SYT16: variants seen among roughly 807,000 people sequenced by gnomAD.
The protein encoded by SYT16 is synaptotagmin-16.
SYT16 carries 42 observed loss-of-function variants against 61.4 expected under a neutral mutation model. That is an observed-to-expected ratio of 0.68 (90% CI 0.53 to 0.89). The LOEUF (loss-of-function observed/expected upper bound fraction) is 0.89. Ranked by LOEUF, SYT16 falls within the 40% of genes least tolerant of loss-of-function variation. SYT16 has a pLI of 0.00. For missense variants in SYT16, 804 were observed against 807.3 expected (o/e 1.00, Z 0.05); for synonymous variants, 314 against 302.3 (o/e 1.04, Z -0.40).
chr14:62,015,935 A>G (rs2053655436), intron 3 of SYT16, among the ~76,000 whole-genome samples: 1 of 152,164 alleles, frequency 6.6e-6, no homozygotes. Context: ...TTAGTCCTTA[A>G]TTGTTTCTTT....
intron 1 of SYT16, among the ~76,000 whole-genome samples, chr14:61,949,937 C>G (rs1555361322): frequency 6.6e-6 from 1 of 152,158 alleles, no homozygotes; most frequent in Non-Finnish European, 1.5e-5. Context: ...CTGCAAAGCA[C>G]AAGAATAAAA....
At chr14:61,938,021 C>G (rs796832660) in intron 1 of SYT16, among the ~76,000 whole-genome samples, 1 of 10,832 alleles carries the variant, frequency 9.2e-5, no homozygotes, top group South Asian at 7.0e-3. Flanking sequence ...AACCTCCTAC[C>G]CCGCAACACA....
intron 3 of SYT16, among the ~76,000 whole-genome samples, chr14:62,060,837 TAA>T: frequency 6.6e-6 from 1 of 152,058 alleles, no homozygotes; most frequent in East Asian, 1.9e-4. Flanking sequence ...GCTGGCCTCA[TAA>T]AATGGGTTGA....
intron 1 of SYT16, among the ~76,000 whole-genome samples, chr14:61,911,420 T>A (rs1041234512): frequency 6.6e-6 from 1 of 152,226 alleles, no homozygotes; most frequent in African/African-American, 2.4e-5. Context: ...CTGGATTATA[T>A]CACATCAGAG....
chr14:62,049,364 A>G (rs1399338666), intron 3 of SYT16, among the ~76,000 whole-genome samples: 3 of 152,050 alleles, frequency 2.0e-5, no homozygotes, highest in Admixed American at 1.3e-4. Flanking sequence ...TTGAGCATAT[A>G]TGTGTCTCTG....
chr14:61,828,116 G>A (rs1265860623), intron 1 of SYT16, among the ~76,000 whole-genome samples: 3 of 152,178 alleles, frequency 2.0e-5, no homozygotes, highest in Non-Finnish European at 4.4e-5. Context: ...GGAAGAAGAT[G>A]GCCGCCTACA....
At chr14:61,971,385 G>A (rs2051548861) in intron 2 of SYT16, among the ~76,000 whole-genome samples, 2 of 142,508 alleles carry the variant, frequency 1.4e-5, no homozygotes, top group Admixed American at 1.4e-4. Context: ...CAGTTAGAAT[G>A]TCATCTGAAG....
intron 7 of SYT16, among the ~76,000 whole-genome samples, chr14:62,088,123 G>A (rs1391244095): frequency 2.0e-5 from 3 of 151,922 alleles, no homozygotes; most frequent in African/African-American, 4.8e-5. Context: ...GGCAGTAACC[G>A]GTAAGTCAAA....
chr14:62,004,055 G>A (rs1032242197), intron 3 of SYT16, among the ~76,000 whole-genome samples: 1 of 152,140 alleles, frequency 6.6e-6, no homozygotes, highest in Non-Finnish European at 1.5e-5. Flanking sequence ...TAAGAATTTA[G>A]CCTTCATCCT....
At chr14:61,856,131 C>T (rs1004005130) in intron 1 of SYT16, among the ~76,000 whole-genome samples, 8 of 152,158 alleles carry the variant, frequency 5.3e-5, no homozygotes, top group African/African-American at 9.7e-5. Context: ...CCAGATGTGA[C>T]GGGATGGCCC....
At chr14:61,914,050 T>A (rs2049029088) in intron 1 of SYT16, among the ~76,000 whole-genome samples, 1 of 152,178 alleles carries the variant, frequency 6.6e-6, no homozygotes, top group South Asian at 2.1e-4. Flanking sequence ...CTCCTATTTT[T>A]CCTATTCTGT....
Position 62,101,958 on chromosome 14 carries a change from T to C in SYT16, c.*1251T>C, listed in dbSNP as rs2057428435. The C allele has an allele frequency of 6.6e-6, 1 of 152,210 alleles. No individual in the cohort carries two copies. Among genetic ancestry groups the C allele is most frequent in the Admixed American group, 6.5e-5 (1 of 15,280 alleles). The allele number at this position is 152,210 out of a possible 1,614,324, so 9.4% of individuals were successfully genotyped here. On this transcript the variant is annotated 3_prime_UTR_variant, in exon 8 of 8. Transcript: ENST00000683842. ...CATATTTATGCAGTGCATGTTTACT[T>C]TCCTTATTCATAGGTCTGGGCCCTT...
Position 62,100,828 on chromosome 14 carries a change from A to T in SYT16, c.*121A>T. The T allele has an allele frequency of 1.0e-6, 1 of 1,001,986 alleles. No homozygotes were observed. Among genetic ancestry groups the T allele is most frequent in the Non-Finnish European group, 1.4e-6 (1 of 700,772 alleles). 62.1% of individuals were successfully genotyped at this position (1,001,986 alleles called of 1,614,324 possible). A position where few individuals can be genotyped will look rare whatever the true frequency, so the allele number is the denominator to read the frequency against. ...AAAACAGATTCCACTAACCCCTAGG[A>T]CATTGTGAGTGGGAGTTTTGGGTTT... On this transcript the variant is annotated 3_prime_UTR_variant, in exon 8 of 8. Transcript: ENST00000683842.
chr14:61,844,163 T>C (rs1317847147), intron 1 of SYT16, among the ~76,000 whole-genome samples: 2 of 152,212 alleles, frequency 1.3e-5, no homozygotes, highest in Non-Finnish European at 2.9e-5. Context: ...CTATTATAAA[T>C]GGTATTACTT....
At chr14:61,916,462 C>T (rs1347629746) in intron 1 of SYT16, among the ~76,000 whole-genome samples, 3 of 151,592 alleles carry the variant, frequency 2.0e-5, no homozygotes, top group South Asian at 2.1e-4. Flanking sequence ...TTTTTATTGA[C>T]GAGTAATAGT....
intron 1 of SYT16, among the ~76,000 whole-genome samples, chr14:61,815,098 T>C (rs2045387728): frequency 6.6e-6 from 1 of 152,218 alleles, no homozygotes; most frequent in African/African-American, 2.4e-5. Flanking sequence ...AGAGGACTTA[T>C]TCAAACAGAT....
chr14:62,093,447 C>T (rs1158840055), intron 7 of SYT16, among the ~76,000 whole-genome samples: 8 of 151,914 alleles, frequency 5.3e-5, no homozygotes, highest in African/African-American at 1.7e-4. Context: ...AGATTAAGGT[C>T]TCTCTCTTTT....
At chr14:61,909,090 G>A (rs1213538388) in intron 1 of SYT16, among the ~76,000 whole-genome samples, 2 of 152,120 alleles carry the variant, frequency 1.3e-5, no homozygotes, top group African/African-American at 4.8e-5. Context: ...ATGAGCCACC[G>A]TGCCTGGCCC....
At chr14:62,044,232 A>AT (rs2054869263) in intron 3 of SYT16, among the ~76,000 whole-genome samples, 2 of 151,926 alleles carry the variant, frequency 1.3e-5, no homozygotes, top group Non-Finnish European at 2.9e-5. Flanking sequence ...CGAAAGAGAA[A>AT]TTACAGTATT....
Sources: gnomAD v4.1 joint callset for allele counts (sites outside exome capture counted in the v4.1 genomes callset) on GRCh38, gnomAD v4.1.1 for gene constraint, MANE v1.5 for transcripts, NCBI Gene and HGNC (gene_info 2026-07-23, HGNC 2026-07-21) for gene names.